SGIP1: variants seen among roughly 807,000 people sequenced by gnomAD.
SGIP1 encodes the protein SH3-containing GRB2-like protein 3-interacting protein 1.
In SGIP1, 38 loss-of-function variants were observed where a neutral mutation model predicts 107.5. The ratio of observed to expected loss-of-function variants is 0.35; its 90% CI spans 0.27 to 0.46. SGIP1 has a LOEUF of 0.46. Among genes scored for constraint, SGIP1 ranks in the 20% least tolerant of loss-of-function variants. The pLI is 1.00. For missense variants in SGIP1, 929 were observed against 1,019.5 expected, an observed-to-expected ratio of 0.91 and a Z score of 1.21; for synonymous variants, 365 against 366.1, an observed-to-expected ratio of 1.00 and a Z score of 0.03.
chr1:66,712,678 T>G (rs774406915), intron 18 of SGIP1, among the ~76,000 whole-genome samples: 4 of 152,206 alleles, frequency 2.6e-5, no homozygotes, highest in Non-Finnish European at 4.4e-5. Flanking sequence ...CATTTTTCAT[T>G]TGTCTTCCCA....
intron 18 of SGIP1, among the ~76,000 whole-genome samples, chr1:66,706,050 A>G (rs1207866186): frequency 6.6e-6 from 1 of 152,104 alleles, no homozygotes; most frequent in Non-Finnish European, 1.5e-5. Flanking sequence ...AAAAATAAAT[A>G]AATAAATAAC....
intron 4 of SGIP1, among the ~76,000 whole-genome samples, chr1:66,639,034 G>T (rs1181415571): frequency 6.6e-6 from 1 of 152,176 alleles, no homozygotes; most frequent in East Asian, 1.9e-4. Flanking sequence ...TTGCTCAAGT[G>T]CTTGTGGCCA....
Position 66,698,482 on chromosome 1 carries a change from C to T in SGIP1, c.1630+2989C>T, listed in dbSNP as rs1031814873. On this transcript the variant is annotated intron_variant, in intron 18 of 24. Transcript: ENST00000371037. ...CAAGCTCCGCCTCCCGAGTTCACCC[C>T]ATTTTCCTACCACAGCCTCCCGAGT... 3.3e-5 allele frequency among the ~76,000 whole-genome samples: 5 copies of T among 151,982 alleles called. No individual in the cohort carries two copies. The South Asian group carries it at 1.0e-3, about 32-fold the overall frequency.
intron 17 of SGIP1, chr1:66,694,544 C>T: frequency 1.3e-6 from 2 of 1,493,054 alleles, no homozygotes; most frequent in Non-Finnish European, 8.9e-7. Flanking sequence ...ACCTAGATTC[C>T]AAAAATCCAA....
At chr1:66,538,603 G>T (rs2054163025) in intron 1 of SGIP1, among the ~76,000 whole-genome samples, 1 of 152,180 alleles carries the variant, frequency 6.6e-6, no homozygotes, top group African/African-American at 2.4e-5. Context: ...GGTACAGGAA[G>T]TTACCAACTC....
chr1:66,601,140 G>A lies in SGIP1; in HGVS notation c.11-24707G>A, dbSNP rs530343957. Among the ~76,000 whole-genome samples the A allele has an allele frequency of 1.8e-3, 273 of 152,238 alleles. 3 individuals carry two copies. The highest frequency in any genetic ancestry group is 6.3e-3 in the African/African-American group (263 of 41,532). The stretch of plus-strand genomic sequence containing the variant: ...GCACTTTGGCAGGCCGAGGCGGGCG[G>A]ATCAAGAGGTTAGAAGATCGAGACC... On this transcript the variant is annotated intron_variant, in intron 1 of 24. Transcript: ENST00000371037.
chr1:66,613,150 C>T (rs899446535), intron 1 of SGIP1, among the ~76,000 whole-genome samples: 2 of 152,094 alleles, frequency 1.3e-5, no homozygotes, highest in Admixed American at 6.5e-5. Context: ...ATTTGTTTAG[C>T]TTATCATAGT....
chr1:66,726,415 T>A (rs553877706), intron 19 of SGIP1, among the ~76,000 whole-genome samples: 3 of 152,170 alleles, frequency 2.0e-5, no homozygotes, highest in Non-Finnish European at 4.4e-5. Flanking sequence ...TCAAAGGGCC[T>A]ACCATAGCGA....
chr1:66,602,792 C>T (rs1279675260), intron 1 of SGIP1, among the ~76,000 whole-genome samples: 1 of 152,116 alleles, frequency 6.6e-6, no homozygotes, highest in Non-Finnish European at 1.5e-5. Flanking sequence ...AACTAGATGT[C>T]TAAAAAGAGA....
intron 1 of SGIP1, among the ~76,000 whole-genome samples, chr1:66,593,418 A>G (rs991614155): frequency 7.2e-5 from 11 of 152,206 alleles, no homozygotes; most frequent in African/African-American, 2.7e-4. Flanking sequence ...CTAGCAATGA[A>G]TAAGAGTCCC....
intron 20 of SGIP1, among the ~76,000 whole-genome samples, chr1:66,729,881 A>G (rs2093928210): frequency 6.6e-6 from 1 of 152,122 alleles, no homozygotes; most frequent in Non-Finnish European, 1.5e-5. Context: ...AGCTCTCTGC[A>G]ACCTCCGCCT....
At chr1:66,600,830 A>G (rs2065660388) in intron 1 of SGIP1, among the ~76,000 whole-genome samples, 1 of 152,212 alleles carries the variant, frequency 6.6e-6, no homozygotes, top group South Asian at 2.1e-4. Context: ...TAGAAAACTC[A>G]TTCCACCAAT....
At chr1:66,642,728 TA>T in intron 5 of SGIP1, 81 bp from the exon 6 acceptor site, 1 of 1,224,364 alleles carries the variant, frequency 8.2e-7, no homozygotes, top group Non-Finnish European at 1.1e-6. Flanking sequence ...TCTATATCCT[TA>T]AATAGAAGAC....
intron 12 of SGIP1, 49 bp downstream of exon 12, chr1:66,673,415 A>C (rs924287516): frequency 2.1e-6 from 3 of 1,454,136 alleles, no homozygotes; most frequent in Non-Finnish European, 1.9e-6. Context: ...TCTTTTATTA[A>C]AGTACAACTC....
At chr1:66,618,751 CA>C (rs2070123370) in intron 1 of SGIP1, among the ~76,000 whole-genome samples, 1 of 152,224 alleles carries the variant, frequency 6.6e-6, no homozygotes, top group Admixed American at 6.5e-5. Context: ...GCCTTTCCCT[CA>C]CCCCTAGTGA....
chr1:66,595,122 A>G (rs2064370591), intron 1 of SGIP1, among the ~76,000 whole-genome samples: 1 of 152,178 alleles, frequency 6.6e-6, no homozygotes, highest in African/African-American at 2.4e-5. Context: ...AGACACATTT[A>G]TCAGATTTGT....
intron 17 of SGIP1, 89 bp downstream of exon 17, chr1:66,690,405 G>T: frequency 1.3e-6 from 2 of 1,540,362 alleles, no homozygotes; most frequent in East Asian, 4.5e-5. Flanking sequence ...TGTGTTTCTG[G>T]TTGAAATTGT....
chr1:66,681,770 C>T, intron 14 of SGIP1, 99 bp from the exon 15 acceptor site: 1 of 1,305,852 alleles, frequency 7.7e-7, no homozygotes, highest in Non-Finnish European at 1.1e-6. Flanking sequence ...ACTGAGGCAC[C>T]TCAGACACCA....
At chr1:66,697,117 G>T (rs957880982) in intron 18 of SGIP1, among the ~76,000 whole-genome samples, 5 of 152,162 alleles carry the variant, frequency 3.3e-5, no homozygotes, top group Non-Finnish European at 7.4e-5. Context: ...GTTTTGGCTA[G>T]TGTATGTGTC....
Sources: allele counts gnomAD v4.1 joint callset (sites outside exome capture counted in the v4.1 genomes callset), GRCh38; gene constraint gnomAD v4.1.1; transcripts MANE v1.5; gene names NCBI Gene and HGNC (gene_info 2026-07-23, HGNC 2026-07-21).